MGMT: variants seen among roughly 807,000 people sequenced by gnomAD.
MGMT encodes methylated-DNA--protein-cysteine methyltransferase.
A neutral mutation model predicts 15.9 loss-of-function variants in MGMT; 14 were observed. That is an observed-to-expected ratio of 0.88 (90% confidence interval 0.58 to 1.37). The LOEUF is 1.37. Among genes scored for constraint, MGMT ranks in the 40% most tolerant of loss-of-function variants. The probability of loss-of-function intolerance (pLI) is 0.00; values close to 1 mark genes in which losing one functional copy is unlikely to be tolerated. For synonymous variants in MGMT, 130 were observed against 118.2 expected, an observed-to-expected ratio of 1.10 and a Z score of -0.65; for missense variants, 282 against 268.1, an observed-to-expected ratio of 1.05 and a Z score of -0.36.
At position 129,707,989 on chromosome 10, in the gene MGMT, G is replaced by C. The variant is rs137981522; in HGVS notation, c.220G>C (p.Glu74Gln). 6.2e-7 allele frequency: 1 copy of C among 1,613,694 alleles called. No homozygotes were observed. Among genetic ancestry groups the C allele is most frequent in the Non-Finnish European group, 8.5e-7 (1 of 1,180,012 alleles). ...AWLNAYFHQP[E>Q]AIEEFPVPAL... ...GCTGAATGCCTATTTCCACCAGCCCGAGGCTATCGAAGAGTTCCCCGTGCC... is the reference window on the plus strand; with the variant it reads ...GCTGAATGCCTATTTCCACCAGCCCCAGGCTATCGAAGAGTTCCCCGTGCC... Residue 74 changes from glutamate (E) to glutamine (Q), a missense_variant, in exon 3 of 5, where the codon GAG becomes CAG. Glu to Gln is a conservative substitution (Grantham distance 29, BLOSUM62 2). Transcript: ENST00000651593.
At chr10:129,475,007 G>C (rs1319999560) in intron 1 of MGMT, among the ~76,000 whole-genome samples, 1 of 152,140 alleles carries the variant, frequency 6.6e-6, no homozygotes, top group Non-Finnish European at 1.5e-5. Flanking sequence ...TTTGTTGGGG[G>C]GGGTGTTGGG....
intron 1 of MGMT, among the ~76,000 whole-genome samples, chr10:129,522,424 A>G (rs1845823992): frequency 6.6e-6 from 1 of 152,104 alleles, no homozygotes; most frequent in Admixed American, 6.5e-5. Flanking sequence ...CGGTTGCCGG[A>G]GATTGCCCTG....
Position 129,536,388 on chromosome 10 carries a change from G to T in MGMT, c.125+11G>T. Reference sequence around the variant, plus strand: ...GACGTCTGCAGCTGAGTAAGTATGAGCCCACGTGATCCTGTATACCGCACA... The same window carrying T: ...GACGTCTGCAGCTGAGTAAGTATGATCCCACGTGATCCTGTATACCGCACA... On this transcript the variant is annotated intron_variant, in intron 2 of 4. Coordinates refer to ENST00000651593, the MANE Select transcript of MGMT (RefSeq NM_002412.5). The T allele has an allele frequency of 6.2e-7, 1 of 1,610,042 alleles. No individual in the cohort carries two copies. The highest frequency in any genetic ancestry group is 1.3e-5 in the African/African-American group (1 of 74,628).
At chr10:129,579,344 C>T (rs1846524476) in intron 2 of MGMT, among the ~76,000 whole-genome samples, 1 of 152,200 alleles carries the variant, frequency 6.6e-6, no homozygotes, top group South Asian at 2.1e-4. Context: ...CTACCTGTGG[C>T]TGGGCCAGGC....
chr10:129,703,591 A>G (rs755132001), intron 2 of MGMT, among the ~76,000 whole-genome samples: 2 of 152,052 alleles, frequency 1.3e-5, no homozygotes, highest in Non-Finnish European at 2.9e-5. Context: ...TCGCCAACCA[A>G]TCCCACATCC....
At chr10:129,487,977 G>A (rs1220108245) in intron 1 of MGMT, among the ~76,000 whole-genome samples, 21 of 9,550 alleles carry the variant, frequency 2.2e-3, no homozygotes, top group East Asian at 7.0e-3. Flanking sequence ...GTATACGCAG[G>A]TATACACACA....
At chr10:129,576,426 G>T (rs1173939383) in intron 2 of MGMT, among the ~76,000 whole-genome samples, 1 of 152,148 alleles carries the variant, frequency 6.6e-6, no homozygotes, top group Non-Finnish European at 1.5e-5. Flanking sequence ...CAGAACCAAA[G>T]ACAAAAACCA....
chr10:129,474,701 A>G (rs1421898165), intron 1 of MGMT, among the ~76,000 whole-genome samples: 1 of 152,136 alleles, frequency 6.6e-6, no homozygotes, highest in Admixed American at 6.5e-5. Flanking sequence ...GAGTCACGGA[A>G]TTTTAAAAAC....
chr10:129,555,959 G>C (rs1204770935), intron 2 of MGMT, among the ~76,000 whole-genome samples: 1 of 152,142 alleles, frequency 6.6e-6, no homozygotes, highest in Non-Finnish European at 1.5e-5. Context: ...CTGAGCGCTG[G>C]CTGGACCTCC....
intron 2 of MGMT, among the ~76,000 whole-genome samples, chr10:129,615,320 G>A (rs1847012229): frequency 6.6e-6 from 1 of 152,184 alleles, no homozygotes; most frequent in Admixed American, 6.5e-5. Context: ...CTGGTGAGGT[G>A]TGGGCTGCGC....
chr10:129,488,423 ATTAAC>A (rs931073007), intron 1 of MGMT, among the ~76,000 whole-genome samples: 3 of 152,052 alleles, frequency 2.0e-5, no homozygotes, highest in Admixed American at 6.6e-5. Flanking sequence ...TCTTTTTGTT[ATTAAC>A]TTATAGGATT....
chr10:129,526,947 T>C (rs990074719), intron 1 of MGMT, among the ~76,000 whole-genome samples: 46 of 152,238 alleles, frequency 3.0e-4, no homozygotes, highest in African/African-American at 1.1e-3. Context: ...CGAAATTCAT[T>C]TTTCCAGAGG....
At chr10:129,544,987 C>A (rs1329851677) in intron 2 of MGMT, among the ~76,000 whole-genome samples, 1 of 152,152 alleles carries the variant, frequency 6.6e-6, no homozygotes, top group Admixed American at 6.5e-5. Flanking sequence ...GAGGGACTGG[C>A]ACCTGTGGAA....
intron 1 of MGMT, among the ~76,000 whole-genome samples, chr10:129,513,254 T>C (rs2119703302): frequency 6.6e-6 from 1 of 152,254 alleles, no homozygotes; most frequent in Non-Finnish European, 1.5e-5. Flanking sequence ...AGAGCTATTG[T>C]TAAATGGGGA....
At position 129,770,747 on chromosome 10, in the gene MGMT, C is replaced by A. The variant is rs1266645614; in HGVS notation, c.*3750C>A. Among the ~76,000 whole-genome samples, 1 of 152,182 alleles carries A rather than the reference C, an allele frequency of 6.6e-6. No homozygotes were observed. Among genetic ancestry groups the A allele is most frequent in the Non-Finnish European group, 1.5e-5 (1 of 68,052 alleles). On this transcript the variant is annotated 3_prime_UTR_variant, in exon 5 of 5. Transcript: ENST00000651593. ...TTACTAGGAAGATTTTACTGAAAGACCAATCCCGAAACGGCCCTTGCTTCG... is the reference window on the plus strand; with the variant it reads ...TTACTAGGAAGATTTTACTGAAAGAACAATCCCGAAACGGCCCTTGCTTCG...
intron 2 of MGMT, among the ~76,000 whole-genome samples, chr10:129,676,487 C>T (rs1474683466): frequency 6.6e-6 from 1 of 152,176 alleles, no homozygotes; most frequent in Non-Finnish European, 1.5e-5. Flanking sequence ...GTCTCTGCGG[C>T]GTACTCTGCG....
chr10:129,467,556 C>T lies in MGMT; in HGVS notation c.-13+260C>T, dbSNP rs545395285. 4 of 477,392 alleles carry T rather than the reference C, an allele frequency of 8.4e-6. No individual in the cohort carries two copies. The East Asian group carries it at 4.6e-4, about 55-fold the overall frequency. The allele number at this position is 477,392 out of a possible 1,614,324, so 29.6% of individuals were successfully genotyped here. A position where few individuals can be genotyped will look rare whatever the true frequency, so the allele number is the denominator to read the frequency against. ...GCGTGTGGCGGGGGTCGTGGCAGCCCCTGCCTTACCTCTAGGTGCCAGCCC... is the reference window on the plus strand; with the variant it reads ...GCGTGTGGCGGGGGTCGTGGCAGCCTCTGCCTTACCTCTAGGTGCCAGCCC... On this transcript the variant is annotated intron_variant, in intron 1 of 4. Transcript: ENST00000651593.
chr10:129,699,925 TG>T (rs1848077232), intron 2 of MGMT, among the ~76,000 whole-genome samples: 2 of 152,092 alleles, frequency 1.3e-5, no homozygotes, highest in Admixed American at 6.5e-5. Context: ...CTGTGATAAG[TG>T]GGAGGCCCTC....
chr10:129,748,224 G>A (rs1414383537), intron 3 of MGMT, among the ~76,000 whole-genome samples: 1 of 152,068 alleles, frequency 6.6e-6, no homozygotes, highest in African/African-American at 2.4e-5. Context: ...ACCTATTTCT[G>A]TATTCAGTCA....
Sources: gnomAD v4.1 joint callset for allele counts (sites outside exome capture counted in the v4.1 genomes callset) on GRCh38, gnomAD v4.1.1 for gene constraint, MANE v1.5 for transcripts, NCBI Gene and HGNC (gene_info 2026-07-23, HGNC 2026-07-21) for gene names.